SEMA3E: variants seen among roughly 807,000 people sequenced by gnomAD.
The protein encoded by SEMA3E is semaphorin-3E.
A neutral mutation model predicts 93.6 loss-of-function variants in SEMA3E; 49 were observed. The observed-to-expected ratio is 0.52, with a 90% CI of 0.42 to 0.66. The LOEUF (loss-of-function observed/expected upper bound fraction) is 0.66. SEMA3E is among the 30% of genes least tolerant of loss of function. SEMA3E has a pLI of 0.00. For missense variants in SEMA3E, 906 were observed against 964.8 expected, an observed-to-expected ratio of 0.94 and a Z score of 0.81; for synonymous variants, 363 against 330.7, an observed-to-expected ratio of 1.10 and a Z score of -1.06.
intron 1 of SEMA3E, among the ~76,000 whole-genome samples, chr7:83,519,217 C>T (rs559088795): frequency 1.1e-4 from 16 of 151,748 alleles, no homozygotes; most frequent in African/African-American, 3.4e-4. Context: ...TGAGAATATG[C>T]GGTGTTTGGT....
chr7:83,409,641 C>T (rs1482026842), intron 5 of SEMA3E, among the ~76,000 whole-genome samples: 1 of 151,628 alleles, frequency 6.6e-6, no homozygotes, highest in Non-Finnish European at 1.5e-5. Flanking sequence ...ATTGTATTTC[C>T]AACTTAATAT....
At chr7:83,642,206 A>C (rs928994620) in intron 1 of SEMA3E, among the ~76,000 whole-genome samples, 3 of 152,158 alleles carry the variant, frequency 2.0e-5, no homozygotes, top group African/African-American at 7.2e-5. Context: ...TCTAAGTCCC[A>C]GAAATCAGGC....
intron 1 of SEMA3E, among the ~76,000 whole-genome samples, chr7:83,501,546 G>A (rs1296869123): frequency 2.0e-5 from 3 of 151,998 alleles, no homozygotes; most frequent in African/African-American, 4.8e-5. Context: ...TCCACCTCCC[G>A]GGTTCAAGCA....
chr7:83,499,741 T>C (rs555060062), intron 1 of SEMA3E, among the ~76,000 whole-genome samples: 1 of 152,292 alleles, frequency 6.6e-6, no homozygotes, highest in East Asian at 1.9e-4. Flanking sequence ...TCCTCTTTCA[T>C]AAACTTAATT....
chr7:83,555,150 A>G (rs1037899642), intron 1 of SEMA3E, among the ~76,000 whole-genome samples: 2 of 152,146 alleles, frequency 1.3e-5, no homozygotes, highest in Non-Finnish European at 2.9e-5. Flanking sequence ...TATTTATTGT[A>G]GACCAAAAAT....
intron 1 of SEMA3E, among the ~76,000 whole-genome samples, chr7:83,636,604 T>C (rs1265778940): frequency 1.3e-5 from 2 of 152,182 alleles, no homozygotes; most frequent in African/African-American, 4.8e-5. Context: ...GTAGTAATCA[T>C]ATTTCTCATA....
chr7:83,490,617 A>C (rs1254868351), intron 1 of SEMA3E, among the ~76,000 whole-genome samples: 1 of 152,012 alleles, frequency 6.6e-6, no homozygotes, highest in East Asian at 1.9e-4. Context: ...AACCCACCAG[A>C]GTGTGTTTAT....
intron 1 of SEMA3E, among the ~76,000 whole-genome samples, chr7:83,535,088 C>T (rs1048495495): frequency 1.3e-5 from 2 of 152,150 alleles, no homozygotes; most frequent in Non-Finnish European, 2.9e-5. Context: ...TTGGTGTTCT[C>T]TGTAAATATG....
intron 4 of SEMA3E, among the ~76,000 whole-genome samples, chr7:83,436,704 G>T (rs1022299504): frequency 9.2e-5 from 14 of 151,884 alleles, no homozygotes; most frequent in Non-Finnish European, 4.4e-5. Context: ...CAAACCCAAT[G>T]GTGCATAATG....
intron 1 of SEMA3E, among the ~76,000 whole-genome samples, chr7:83,628,272 G>T (rs1310221134): frequency 6.6e-6 from 1 of 151,848 alleles, no homozygotes; most frequent in East Asian, 1.9e-4. Context: ...AAAACTTGGG[G>T]TTGCTCTTCT....
intron 1 of SEMA3E, among the ~76,000 whole-genome samples, chr7:83,563,861 C>T (rs1235878629): frequency 6.6e-6 from 1 of 152,136 alleles, no homozygotes; most frequent in East Asian, 1.9e-4. Context: ...TGATCCACTC[C>T]AATTTAATAC....
chr7:83,392,657 T>C lies in SEMA3E; in HGVS notation c.1565A>G (p.Tyr522Cys). 2 of 1,613,854 alleles carry C rather than the reference T, an allele frequency of 1.2e-6. No homozygotes were observed. Among genetic ancestry groups the C allele is most frequent in the Non-Finnish European group, 1.7e-6 (2 of 1,179,886 alleles). Reference protein sequence around the residue: ...AQVRFHHCDMYGSACADCCLA... With the variant: ...AQVRFHHCDMCGSACADCCLA... ...GCAGCAGTCAGCACAAGCACTTCCA[T>C]ACATGTCACAGTGATGGAATCTGAC... Residue 522 changes from tyrosine (Y) to cysteine (C), a missense_variant, in exon 14 of 17, where the codon TAT becomes TGT. By Grantham distance (194) the Tyr-to-Cys change is radical. Coordinates refer to ENST00000643230, the MANE Select transcript of SEMA3E (RefSeq NM_012431.3).
chr7:83,447,275 G>A (rs757050832), intron 4 of SEMA3E, among the ~76,000 whole-genome samples: 6 of 152,136 alleles, frequency 3.9e-5, no homozygotes, highest in African/African-American at 7.2e-5. Context: ...GGTGGCTCAC[G>A]CCTGTAATCC....
chr7:83,474,051 C>A (rs970832061), intron 2 of SEMA3E, among the ~76,000 whole-genome samples: 3 of 148,456 alleles, frequency 2.0e-5, no homozygotes, highest in African/African-American at 7.5e-5. Flanking sequence ...AGGATCCTGC[C>A]ACTACACTCC....
chr7:83,630,380 A>C (rs960229852), intron 1 of SEMA3E, among the ~76,000 whole-genome samples: 3 of 152,216 alleles, frequency 2.0e-5, no homozygotes, highest in Admixed American at 6.5e-5. Context: ...AGGATAGCAA[A>C]GTTTGGCCCT....
intron 1 of SEMA3E, among the ~76,000 whole-genome samples, chr7:83,528,130 C>T (rs1398853079): frequency 1.3e-5 from 2 of 151,904 alleles, no homozygotes; most frequent in Non-Finnish European, 2.9e-5. Flanking sequence ...TAACTGTCAT[C>T]TAAGTTAGCC....
Position 83,419,297 on chromosome 7 carries a change from A to G in SEMA3E, c.457-814T>C, listed in dbSNP as rs1377445418. 2.0e-5 allele frequency among the ~76,000 whole-genome samples: 3 copies of G among 152,182 alleles called. No individual in the cohort carries two copies. The East Asian group carries it at 5.8e-4, about 29-fold the overall frequency. On this transcript the variant is annotated intron_variant, in intron 4 of 16. Coordinates refer to ENST00000643230, the MANE Select transcript of SEMA3E (RefSeq NM_012431.3). ...CCACATTTTCTTTATCCAGTCTAGC[A>G]TTAATGAGCACTTAGGTTGAATTTA... is the stretch of plus-strand genomic sequence containing the variant.
rs149328531 is a variant in SEMA3E at position 83,525,659 on chromosome 7, C to G, written c.116-35385G>C. On this transcript the variant is annotated intron_variant, in intron 1 of 16. Coordinates refer to ENST00000643230, the MANE Select transcript of SEMA3E (RefSeq NM_012431.3). The stretch of plus-strand genomic sequence containing the variant: ...TCAAAGAGCTGTTTTATTTTCTGCT[C>G]ATTTTTAAAGTAGCAATTTGATCTT... Among the ~76,000 whole-genome samples, 36 of 151,940 alleles carry G rather than the reference C, an allele frequency of 2.4e-4. No individual in the cohort carries two copies. The East Asian group carries it at 6.6e-3, about 28-fold the overall frequency.
At chr7:83,570,219 G>A (rs556393113) in intron 1 of SEMA3E, among the ~76,000 whole-genome samples, 1 of 152,112 alleles carries the variant, frequency 6.6e-6, no homozygotes, top group African/African-American at 2.4e-5. Flanking sequence ...TGCAGCTAAC[G>A]CAGCGTTAAG....
Sources: allele counts gnomAD v4.1 joint callset (sites outside exome capture counted in the v4.1 genomes callset), GRCh38; gene constraint gnomAD v4.1.1; transcripts MANE v1.5; gene names NCBI Gene and HGNC (gene_info 2026-07-23, HGNC 2026-07-21).